The following FBLN2 variants were observed in gnomAD, a reference collection of about 807,000 sequenced individuals.
FBLN2 encodes the protein fibulin-2.
In FBLN2, 81 loss-of-function variants were observed where a neutral mutation model predicts 123.7. The ratio of observed to expected loss-of-function variants is 0.65; its 90% CI spans 0.55 to 0.79. FBLN2 has a LOEUF of 0.79. FBLN2 is among the 30% of genes least tolerant of loss of function. The pLI is 0.00. For missense variants in FBLN2, 1,603 were observed against 1,681.3 expected, an observed-to-expected ratio of 0.95 and a Z score of 0.81; for synonymous variants, 699 against 701.4, an observed-to-expected ratio of 1.00 and a Z score of 0.05.
At chr3:13,622,199 A>T (rs1705877898) in intron 9 of FBLN2, among the ~76,000 whole-genome samples, 1 of 152,106 alleles carries the variant, frequency 6.6e-6, no homozygotes, top group Non-Finnish European at 1.5e-5. Flanking sequence ...CTGCAGGAAA[A>T]TGAGGGGGTC....
intron 2 of FBLN2, among the ~76,000 whole-genome samples, chr3:13,575,268 C>T (rs1323438797): frequency 6.6e-6 from 1 of 152,148 alleles, no homozygotes; most frequent in Non-Finnish European, 1.5e-5. Context: ...AGCCAGAGCC[C>T]ATGAATTCGT....
At position 13,549,816 on chromosome 3, in the gene FBLN2, C is replaced by T. The variant is rs73146632; in HGVS notation, c.-42+608C>T. 3.8e-3 allele frequency among the ~76,000 whole-genome samples: 573 copies of T among 152,216 alleles called. 4 individuals carry two copies. The highest frequency in any genetic ancestry group is 0.012 in the African/African-American group (502 of 41,526). On this transcript the variant is annotated intron_variant, in intron 1 of 17. Transcript: ENST00000404922. ...GCCCCATGCTCACCCCGCCAGCTCC[C>T]CCAGGCCAGAATCTCTCACACTCAT...
rs752718932 is a variant in FBLN2 at position 13,629,256 on chromosome 3, G to A, written c.2806G>A (p.Gly936Ser). 9 of 1,612,538 alleles carry A rather than the reference G, an allele frequency of 5.6e-6. No homozygotes were observed. The highest frequency in any genetic ancestry group is 1.7e-4 in the Middle Eastern group (1 of 5,804). Residue 936 changes from glycine to serine, a missense_variant, in exon 13 of 18, where the codon GGC becomes AGC. Transcript: ENST00000404922. ...PGSYRCDCKA[G>S]FQRDAFGRGC... ...CTCCTACCGCTGTGACTGCAAAGCC[G>A]GCTTTCAGCGGGATGCCTTTGGCCG...
At chr3:13,617,434 C>T (rs1400108902) in intron 5 of FBLN2, among the ~76,000 whole-genome samples, 1 of 151,674 alleles carries the variant, frequency 6.6e-6, no homozygotes, top group African/African-American at 2.4e-5. Flanking sequence ...ATCTACCCAT[C>T]CATCTATCCA....
Position 13,565,627 on chromosome 3 carries a change from C to T in FBLN2, c.-41-4688C>T, listed in dbSNP as rs150318771. Among the ~76,000 whole-genome samples, 733 of 152,338 alleles carry T rather than the reference C, an allele frequency of 4.8e-3. 5 individuals are homozygous for T. Among genetic ancestry groups the T allele is most frequent in the African/African-American group, 0.017 (696 of 41,572 alleles). On this transcript the variant is annotated intron_variant, in intron 1 of 17. Transcript: ENST00000404922. ...TTTTTTAATGCCGTGATATATGTTA[C>T]GCACATGATACGTAAAGCGTTCATC...
At chr3:13,612,795 T>C (rs1050546011) in intron 4 of FBLN2, among the ~76,000 whole-genome samples, 2 of 152,212 alleles carry the variant, frequency 1.3e-5, no homozygotes, top group African/African-American at 4.8e-5. Flanking sequence ...AAGTATGTGA[T>C]GGGCCTTCAT....
chr3:13,619,129 C>T (rs1376287981), intron 7 of FBLN2, 112 bp downstream of exon 7: 8 of 736,620 alleles, frequency 1.1e-5, no homozygotes, highest in Admixed American at 2.6e-5. Flanking sequence ...GATGGCCCCT[C>T]CAAAGGGTGT....
intron 1 of FBLN2, among the ~76,000 whole-genome samples, chr3:13,559,702 GT>G (rs1703556165): frequency 6.6e-6 from 1 of 152,228 alleles, no homozygotes; most frequent in Non-Finnish European, 1.5e-5. Context: ...GGTTCATTAT[GT>G]GCTTTTTTTG....
chr3:13,562,752 T>C (rs1012704211), intron 1 of FBLN2, among the ~76,000 whole-genome samples: 5 of 152,192 alleles, frequency 3.3e-5, no homozygotes, highest in African/African-American at 1.2e-4. Context: ...TTCATTATCC[T>C]GAACAGAAAC....
At chr3:13,571,806 T>G in intron 2 of FBLN2, 145 bp downstream of exon 2, 3 of 568,612 alleles carry the variant, frequency 5.3e-6, no homozygotes, top group South Asian at 4.6e-5. Flanking sequence ...GCCCTTGGTT[T>G]GGGCAGGAGG....
In FBLN2 at chr3:13,593,064, T is replaced by C. The variant is rs77351767; in HGVS notation, c.1307-14998T>C. Among the ~76,000 whole-genome samples the C allele has an allele frequency of 6.1e-3, 933 of 152,302 alleles. 9 individuals carry two copies. Among genetic ancestry groups the C allele is most frequent in the African/African-American group, 0.02 (832 of 41,546 alleles). On this transcript the variant is annotated intron_variant, in intron 2 of 17. Coordinates refer to ENST00000404922, the MANE Select transcript of FBLN2 (RefSeq NM_001004019.2). ...CCCTTTGGATTTCACATGTGCCATATCCTGTTGTCCAGGGCAACATAGTCA... is the reference window on the plus strand; with the variant it reads ...CCCTTTGGATTTCACATGTGCCATACCCTGTTGTCCAGGGCAACATAGTCA...
chr3:13,620,777 G>C (rs1284688155), intron 8 of FBLN2, among the ~76,000 whole-genome samples: 3 of 152,210 alleles, frequency 2.0e-5, no homozygotes, highest in African/African-American at 7.2e-5. Context: ...AAGTCTGCCT[G>C]GGTGAATACC....
intron 1 of FBLN2, among the ~76,000 whole-genome samples, chr3:13,564,214 G>A (rs1211934718): frequency 6.6e-6 from 1 of 152,100 alleles, no homozygotes; most frequent in Non-Finnish European, 1.5e-5. Context: ...CTTGGGCCCG[G>A]GGGCAGCCGT....
rs2125027240 is a variant in FBLN2 at position 13,549,228 on chromosome 3, C to T, written c.-42+20C>T. On this transcript the variant is annotated intron_variant, in intron 1 of 17. Coordinates refer to ENST00000404922, the MANE Select transcript of FBLN2 (RefSeq NM_001004019.2). Reference sequence around the variant, plus strand: ...CCCGCGGTGAGTGCACGCGGCCCCTCCCGCCCGGACTCATCCCCGTCGGTC... The same window carrying T: ...CCCGCGGTGAGTGCACGCGGCCCCTTCCGCCCGGACTCATCCCCGTCGGTC... 1 of 983,274 alleles carries T rather than the reference C, an allele frequency of 1.0e-6. No individual in the cohort carries two copies. The highest frequency in any genetic ancestry group is 4.7e-5 in the South Asian group (1 of 21,270). The allele number at this position is 983,274 out of a possible 1,614,324, so 60.9% of individuals were successfully genotyped here. A position where few individuals can be genotyped will look rare whatever the true frequency, so the allele number is the denominator to read the frequency against.
Position 13,570,458 on chromosome 3 carries a change from G to A in FBLN2, c.103G>A (p.Gly35Ser). Residue 35 changes from glycine to serine, a missense_variant, in exon 2 of 18, where the codon GGC becomes AGC. Transcript: ENST00000404922. ...AGCTGCCCCTCGGCAGGACTGCACG[G>A]GCGTGGAGTGCCCGCCGCTGGAGAA... is the stretch of plus-strand genomic sequence containing the variant. Reference protein sequence around the residue: ...AAAAPRQDCTGVECPPLENCI... With the variant: ...AAAAPRQDCTSVECPPLENCI... The A allele has an allele frequency of 6.4e-7, 1 of 1,572,902 alleles. No individual in the cohort carries two copies. The highest frequency in any genetic ancestry group is 8.6e-7 in the Non-Finnish European group (1 of 1,160,410).
intron 1 of FBLN2, among the ~76,000 whole-genome samples, chr3:13,565,325 C>T (rs547957419): frequency 9.2e-4 from 140 of 152,368 alleles, no homozygotes; most frequent in African/African-American, 3.2e-3. Context: ...GTCTCCACTC[C>T]GGTGGCAAAG....
intron 1 of FBLN2, among the ~76,000 whole-genome samples, chr3:13,569,696 G>A (rs1703860853): frequency 6.6e-6 from 1 of 152,026 alleles, no homozygotes; most frequent in Non-Finnish European, 1.5e-5. Flanking sequence ...TAGGGTCTGC[G>A]GGCTGGGGCT....
At chr3:13,629,724 C>T in intron 13 of FBLN2, 96 bp from the exon 14 acceptor site, 1 of 1,465,766 alleles carries the variant, frequency 6.8e-7, no homozygotes, top group Non-Finnish European at 9.1e-7. Context: ...GTCCCTCTCC[C>T]ACTTAGCCTC....
chr3:13,554,078 T>C (rs1703400871), intron 1 of FBLN2, among the ~76,000 whole-genome samples: 1 of 152,240 alleles, frequency 6.6e-6, no homozygotes, highest in Non-Finnish European at 1.5e-5. Flanking sequence ...CTCCTATCCT[T>C]AGCTTCTCAA....
Sources: gnomAD v4.1 joint callset for allele counts (sites outside exome capture counted in the v4.1 genomes callset) on GRCh38, gnomAD v4.1.1 for gene constraint, MANE v1.5 for transcripts, NCBI Gene and HGNC (gene_info 2026-07-23, HGNC 2026-07-21) for gene names.